Variants in HS6ST3 observed in about 807,000 individuals in gnomAD.
HS6ST3 encodes the protein heparan-sulfate 6-O-sulfotransferase 3.
In HS6ST3, 12 loss-of-function variants were observed where a neutral mutation model predicts 36.7. The observed-to-expected ratio is 0.33, with a 90% CI of 0.21 to 0.53. The LOEUF (loss-of-function observed/expected upper bound fraction) is 0.53. HS6ST3 is among the 20% of genes least tolerant of loss of function. The pLI, the probability that HS6ST3 is intolerant of heterozygous loss-of-function variation, is 0.95. For synonymous variants in HS6ST3, 240 were observed against 257.5 expected (o/e 0.93, Z 0.65); for missense variants, 584 against 640.9 (o/e 0.91, Z 0.96).
intron 1 of HS6ST3, among the ~76,000 whole-genome samples, chr13:96,649,063 C>T (rs911806841): frequency 6.6e-6 from 1 of 151,938 alleles, no homozygotes; most frequent in Non-Finnish European, 1.5e-5. Context: ...ATCTGGACTC[C>T]TGATTTTCCC....
At chr13:96,434,506 C>T (rs2055631913) in intron 1 of HS6ST3, among the ~76,000 whole-genome samples, 1 of 152,172 alleles carries the variant, frequency 6.6e-6, no homozygotes, top group Admixed American at 6.5e-5. Context: ...TGATTGGCCT[C>T]CAAATACAGT....
At chr13:96,555,450 A>G (rs575386826) in intron 1 of HS6ST3, among the ~76,000 whole-genome samples, 11 of 152,292 alleles carry the variant, frequency 7.2e-5, no homozygotes, top group African/African-American at 2.4e-4. Flanking sequence ...CAAGTTAAAT[A>G]TGATATTTTT....
At chr13:96,799,845 G>C (rs1277605556) in intron 1 of HS6ST3, among the ~76,000 whole-genome samples, 2 of 149,486 alleles carry the variant, frequency 1.3e-5, no homozygotes, top group Non-Finnish European at 3.0e-5. Flanking sequence ...CCAGTTATAA[G>C]CTGGTTTTGG....
intron 1 of HS6ST3, among the ~76,000 whole-genome samples, chr13:96,787,718 T>C (rs917214114): frequency 6.6e-6 from 1 of 152,042 alleles, no homozygotes; most frequent in Non-Finnish European, 1.5e-5. Context: ...AGCTTGTCAG[T>C]TCTTCCTCTT....
At chr13:96,426,260 C>G (rs915235549) in intron 1 of HS6ST3, among the ~76,000 whole-genome samples, 4 of 152,148 alleles carry the variant, frequency 2.6e-5, no homozygotes, top group African/African-American at 9.7e-5. Flanking sequence ...ATTGTTCGCA[C>G]TGCCTCTATT....
intron 1 of HS6ST3, among the ~76,000 whole-genome samples, chr13:96,262,088 G>A (rs1232344302): frequency 6.6e-6 from 1 of 152,108 alleles, no homozygotes; most frequent in African/African-American, 2.4e-5. Flanking sequence ...TCAGAATGGT[G>A]CATCACGACT....
intron 1 of HS6ST3, among the ~76,000 whole-genome samples, chr13:96,235,303 TAAG>T (rs1332139634): frequency 6.6e-6 from 1 of 152,220 alleles, no homozygotes; most frequent in Non-Finnish European, 1.5e-5. Flanking sequence ...ATCTAGCTTT[TAAG>T]AAGTACTCTG....
rs1367340948 is a variant in HS6ST3, at chr13:96,832,606, G to T, written c.824G>T (p.Ser275Ile). Residue 275 changes from serine to isoleucine, a missense_variant, in exon 2 of 2, where the codon AGC becomes ATC. Transcript: ENST00000376705. ...TCTCTTCATATGTGTGATGGAAGAA[G>T]CCCCACCCCAGATGAGCTGCCTACC... The part of the protein sequence containing the change: ...KTSLHMCDGR[S>I]PTPDELPTCY... The T allele has an allele frequency of 1.2e-6, 2 of 1,614,128 alleles. No homozygotes were observed. The highest frequency in any genetic ancestry group is 2.2e-5 in the South Asian group (2 of 91,074).
intron 1 of HS6ST3, among the ~76,000 whole-genome samples, chr13:96,762,618 G>T (rs1876998071): frequency 6.6e-6 from 1 of 152,124 alleles, no homozygotes; most frequent in Admixed American, 6.5e-5. Flanking sequence ...TTCTGTGTAG[G>T]CTCCAGCTGG....
intron 1 of HS6ST3, among the ~76,000 whole-genome samples, chr13:96,627,285 C>T (rs1489951443): frequency 3.9e-5 from 6 of 151,930 alleles, no homozygotes; most frequent in African/African-American, 7.2e-5. Context: ...TCTGCGTAAA[C>T]GATCAAGTTT....
chr13:96,632,204 G>A (rs2056534228), intron 1 of HS6ST3, among the ~76,000 whole-genome samples: 1 of 152,066 alleles, frequency 6.6e-6, no homozygotes, highest in African/African-American at 2.4e-5. Flanking sequence ...TTCTGTGCTT[G>A]TTTCCACTAA....
intron 1 of HS6ST3, among the ~76,000 whole-genome samples, chr13:96,522,056 G>C (rs547699581): frequency 6.6e-6 from 1 of 152,258 alleles, no homozygotes; most frequent in South Asian, 2.1e-4. Context: ...TTGTGTCTTT[G>C]TTCTCATTGG....
intron 1 of HS6ST3, among the ~76,000 whole-genome samples, chr13:96,554,038 GA>G (rs2056230361): frequency 6.6e-6 from 1 of 152,210 alleles, no homozygotes; most frequent in Non-Finnish European, 1.5e-5. Flanking sequence ...GCAGAAGACT[GA>G]AGTACAAATA....
intron 1 of HS6ST3, among the ~76,000 whole-genome samples, chr13:96,651,242 T>A (rs1382311000): frequency 6.6e-6 from 1 of 152,080 alleles, no homozygotes; most frequent in African/African-American, 2.4e-5. Flanking sequence ...TAAATCAACA[T>A]TATATGTTCT....
At chr13:96,739,316 A>G (rs1876376385) in intron 1 of HS6ST3, among the ~76,000 whole-genome samples, 1 of 150,606 alleles carries the variant, frequency 6.6e-6, no homozygotes, top group Non-Finnish European at 1.5e-5. Context: ...ACAGCCTCAA[A>G]TATCACCTCT....
At chr13:96,141,627 GT>G (rs1430761088) in intron 1 of HS6ST3, among the ~76,000 whole-genome samples, 1 of 152,156 alleles carries the variant, frequency 6.6e-6, no homozygotes, top group Non-Finnish European at 1.5e-5. Context: ...GCCTGGCCTA[GT>G]GACTGTCTTT....
At chr13:96,644,189 G>A (rs957223076) in intron 1 of HS6ST3, among the ~76,000 whole-genome samples, 1 of 151,848 alleles carries the variant, frequency 6.6e-6, no homozygotes, top group African/African-American at 2.4e-5. Context: ...TGATAATGAA[G>A]CACAAAAGAA....
chr13:96,751,089 A>G (rs1276631623), intron 1 of HS6ST3, among the ~76,000 whole-genome samples: 3 of 152,158 alleles, frequency 2.0e-5, no homozygotes, highest in Admixed American at 6.6e-5. Context: ...TATGTTTTGA[A>G]TATTTATTGA....
At chr13:96,176,215 C>T (rs1464073881) in intron 1 of HS6ST3, among the ~76,000 whole-genome samples, 1 of 152,162 alleles carries the variant, frequency 6.6e-6, no homozygotes, top group Non-Finnish European at 1.5e-5. Context: ...CCTTTCCTCA[C>T]ACAACTCATC....
Sources: allele counts gnomAD v4.1 joint callset (sites outside exome capture counted in the v4.1 genomes callset), GRCh38; gene constraint gnomAD v4.1.1; transcripts MANE v1.5; gene names NCBI Gene and HGNC (gene_info 2026-07-23, HGNC 2026-07-21).